The following STK32B variants were observed in gnomAD, a reference collection of about 807,000 sequenced individuals.
The protein encoded by STK32B is serine/threonine-protein kinase 32B.
In STK32B, 43 loss-of-function variants were observed where a neutral mutation model predicts 52.6. That is an observed-to-expected ratio of 0.82 (90% CI 0.64 to 1.05). The LOEUF (loss-of-function observed/expected upper bound fraction) is 1.05. Ranked by LOEUF, STK32B falls within the 50% of genes least tolerant of loss-of-function variation. The probability of loss-of-function intolerance (pLI) is 0.00; values close to 1 mark genes in which losing one functional copy is unlikely to be tolerated. For synonymous variants in STK32B, 238 were observed against 204.3 expected, an observed-to-expected ratio of 1.17 and a Z score of -1.41; for missense variants, 621 against 534.6, an observed-to-expected ratio of 1.16 and a Z score of -1.59.
At chr4:5,246,966 G>T (rs1242066736) in intron 3 of STK32B, among the ~76,000 whole-genome samples, 1 of 152,174 alleles carries the variant, frequency 6.6e-6, no homozygotes, top group East Asian at 1.9e-4. Flanking sequence ...GGCTGTATAA[G>T]GTGCCGGTCC....
intron 3 of STK32B, among the ~76,000 whole-genome samples, chr4:5,279,661 A>G (rs1271581120): frequency 6.6e-6 from 1 of 152,172 alleles, no homozygotes; most frequent in Admixed American, 6.5e-5. Context: ...TCCTGTGTGG[A>G]CTGCCCTAAT....
Position 5,331,290 on chromosome 4 carries a change from CATCTG to C in STK32B, c.332_336del (p.His111ProfsTer17). On this transcript the variant is annotated frameshift_variant, in exon 4 of 12. Transcript: ENST00000282908. LOFTEE classifies it high-confidence loss of function. ...GCTCCTGGGAGGCGACCTGCGCTAC[CATCTG>C]CAGCAGAATGTGCATTTCACAGAGG... The C allele has an allele frequency of 6.2e-7, 1 of 1,613,982 alleles. No individual in the cohort carries two copies.
At chr4:5,036,393 G>T in the STK32B span, among the ~76,000 whole-genome samples, 1 of 152,072 alleles carries the variant, frequency 6.6e-6, no homozygotes. Context: ...GGCCCCTTTT[G>T]GTTCTGATTA....
chr4:5,454,154 C>A (rs903813953), intron 7 of STK32B, among the ~76,000 whole-genome samples: 1 of 152,196 alleles, frequency 6.6e-6, no homozygotes, highest in African/African-American at 2.4e-5. Flanking sequence ...ATGCCGGGCC[C>A]CATCTACAGA....
chr4:5,256,324 A>G (rs1726294376), intron 3 of STK32B, among the ~76,000 whole-genome samples: 1 of 152,192 alleles, frequency 6.6e-6, no homozygotes, highest in Non-Finnish European at 1.5e-5. Context: ...TCATAGACTA[A>G]AAACTATCAA....
intron 3 of STK32B, among the ~76,000 whole-genome samples, chr4:5,282,389 C>A (rs72613194): frequency 0.02 from 3,042 of 152,168 alleles, 43 homozygotes; most frequent in East Asian, 0.072. Flanking sequence ...ATACAGAGGG[C>A]CTACTGTATA....
rs540502224 is a variant in STK32B at position 5,293,877 on chromosome 4, G to A, written c.261-37343G>A. On this transcript the variant is annotated intron_variant, in intron 3 of 11. Coordinates refer to ENST00000282908, the MANE Select transcript of STK32B (RefSeq NM_018401.3). ...AAGTCTTTGCCCATGCCTATGTCCT[G>A]AATGGTATTGCCTAGGTTTTCTTCT... 4.1e-4 allele frequency among the ~76,000 whole-genome samples: 63 copies of A among 152,220 alleles called. 1 individual carries two copies. The South Asian group carries it at 0.012, about 30-fold the overall frequency.
At chr4:5,412,873 G>T (rs932821365) in intron 5 of STK32B, among the ~76,000 whole-genome samples, 1 of 151,996 alleles carries the variant, frequency 6.6e-6, no homozygotes, top group Admixed American at 6.6e-5. Flanking sequence ...AATTGAGTCC[G>T]ATCATATCAA....
chr4:5,178,707 A>C (rs1720118280), intron 3 of STK32B, among the ~76,000 whole-genome samples: 1 of 152,258 alleles, frequency 6.6e-6, no homozygotes, highest in African/African-American at 2.4e-5. Flanking sequence ...GGGCAAGGGC[A>C]ACATGCTGAC....
chr4:5,153,012 G>A (rs1033003412), intron 2 of STK32B, among the ~76,000 whole-genome samples: 2 of 152,220 alleles, frequency 1.3e-5, no homozygotes, highest in Non-Finnish European at 2.9e-5. Context: ...TATGATGGAT[G>A]TTATTATCCC....
chr4:5,040,243 G>C, the STK32B span, among the ~76,000 whole-genome samples: 3 of 152,196 alleles, frequency 2.0e-5, no homozygotes, highest in Non-Finnish European at 4.4e-5. Flanking sequence ...AAAGAAAGAA[G>C]GGGTAAGTGG....
intron 5 of STK32B, among the ~76,000 whole-genome samples, chr4:5,414,219 T>C (rs1297571523): frequency 6.6e-6 from 1 of 152,084 alleles, no homozygotes; most frequent in Non-Finnish European, 1.5e-5. Context: ...TAGAATTTTT[T>C]TCAGATGTAA....
At position 5,416,835 on chromosome 4, in the gene STK32B, G is replaced by C; in HGVS notation, c.473-10G>C. ...CACGCTAACTGGAGTTTCTGTTTCT[G>C]TATTTGCAGGACATGTTCACATTAC... On this transcript the variant is annotated splice_polypyrimidine_tract_variant and intron_variant, in intron 5 of 11. Coordinates refer to ENST00000282908, the MANE Select transcript of STK32B (RefSeq NM_018401.3). 1.2e-6 allele frequency: 2 copies of C among 1,612,602 alleles called. No homozygotes were observed. The highest frequency in any genetic ancestry group is 1.7e-6 in the Non-Finnish European group (2 of 1,179,366).
intron 3 of STK32B, among the ~76,000 whole-genome samples, chr4:5,205,689 A>G (rs1722510495): frequency 7.9e-6 from 1 of 127,178 alleles, no homozygotes; most frequent in African/African-American, 3.0e-5. Flanking sequence ...ACAGTTCTAG[A>G]CCAGGCGCGC....
chr4:5,317,323 A>T, intron 3 of STK32B, among the ~76,000 whole-genome samples: 1 of 82,708 alleles, frequency 1.2e-5, no homozygotes, highest in Non-Finnish European at 1.8e-5. Context: ...TATGTATAAT[A>T]TATATTACAT....
At position 5,204,428 on chromosome 4, in the gene STK32B, T is replaced by G. The variant is rs180758705; in HGVS notation, c.260+35978T>G. Among the ~76,000 whole-genome samples, 475 of 97,832 alleles carry G rather than the reference T, an allele frequency of 4.9e-3. 1 individual carries two copies. Among genetic ancestry groups the G allele is most frequent in the African/African-American group, 0.016 (443 of 28,432 alleles). The allele number at this position is 97,832 out of a possible 152,430, so 64.2% of individuals were successfully genotyped here. On this transcript the variant is annotated intron_variant, in intron 3 of 11. Coordinates refer to ENST00000282908, the MANE Select transcript of STK32B (RefSeq NM_018401.3). ...TGTTTGTTTGTTTTTGTTTTTTAGG[T>G]TTTTTTTGTTTGTTTTTGTTTTTTA...
At chr4:5,417,858 G>T (rs143602033) in intron 6 of STK32B, among the ~76,000 whole-genome samples, 5 of 152,294 alleles carry the variant, frequency 3.3e-5, no homozygotes, top group African/African-American at 9.6e-5. Flanking sequence ...TCATGAAGAC[G>T]CATTCAACTG....
intron 3 of STK32B, among the ~76,000 whole-genome samples, chr4:5,293,454 G>T (rs1577303945): frequency 6.6e-6 from 1 of 152,032 alleles, no homozygotes; most frequent in East Asian, 1.9e-4. Flanking sequence ...AGCATCTGTT[G>T]TTTCCTGACT....
chr4:5,400,659 G>A lies in STK32B; in HGVS notation c.472+2415G>A, dbSNP rs111929067. ...AAGAAATTTAGGAGCAGGGAATTCC[G>A]CTCAGAAAAAGAAGAGTCTCCTTTC... is the stretch of plus-strand genomic sequence containing the variant. On this transcript the variant is annotated intron_variant, in intron 5 of 11. Coordinates refer to ENST00000282908, the MANE Select transcript of STK32B (RefSeq NM_018401.3). This position sits in a 1 kb window ranked among gnomAD's most constrained non-coding sequence, Gnocchi z 6.1. Among the ~76,000 whole-genome samples the A allele has an allele frequency of 9.3e-4, 142 of 152,262 alleles. 1 individual carries two copies. The highest frequency in any genetic ancestry group is 3.1e-3 in the African/African-American group (130 of 41,558).
Sources: gnomAD v4.1 joint callset for allele counts (sites outside exome capture counted in the v4.1 genomes callset) on GRCh38, gnomAD v4.1.1 for gene constraint, Gnocchi (gnomAD v3.1) non-coding constraint, MANE v1.5 for transcripts, NCBI Gene and HGNC (gene_info 2026-07-23, HGNC 2026-07-21) for gene names.